LRP1B: variants seen among roughly 807,000 people sequenced by gnomAD.
LRP1B encodes the protein low-density lipoprotein receptor-related protein 1B.
Under a neutral mutation model 556.6 loss-of-function variants are expected in LRP1B, and 217 were observed. That is an observed-to-expected ratio of 0.39 (90% CI 0.35 to 0.44). The LOEUF (loss-of-function observed/expected upper bound fraction) is 0.44, where lower values mean the gene tolerates loss of function less well. Among genes scored for constraint, LRP1B ranks in the 20% least tolerant of loss-of-function variants. LRP1B has a pLI of 1.00. For missense variants in LRP1B, 5,053 were observed against 5,620.8 expected, an observed-to-expected ratio of 0.90 and a Z score of 3.23; for synonymous variants, 2,047 against 1,865.8, an observed-to-expected ratio of 1.10 and a Z score of -2.50.
intron 2 of LRP1B, among the ~76,000 whole-genome samples, chr2:141,525,884 T>C (rs1574045912): frequency 2.6e-5 from 4 of 152,128 alleles, no homozygotes; most frequent in Admixed American, 2.6e-4. Flanking sequence ...ACAAAAAATA[T>C]CGTTTATTTG....
chr2:140,316,291 C>G (rs1684516274), intron 82 of LRP1B, among the ~76,000 whole-genome samples: 6 of 152,082 alleles, frequency 3.9e-5, no homozygotes, highest in Admixed American at 3.3e-4. Context: ...AATTTATGAT[C>G]CTTTTTCAAG....
chr2:141,645,136 AG>A (rs942939592), intron 2 of LRP1B, among the ~76,000 whole-genome samples: 1 of 152,158 alleles, frequency 6.6e-6, no homozygotes, highest in African/African-American at 2.4e-5. Context: ...TAAGTTATAA[AG>A]AAAGTGAGGT....
chr2:141,826,750 T>C (rs993809311), intron 1 of LRP1B, among the ~76,000 whole-genome samples: 1 of 152,232 alleles, frequency 6.6e-6, no homozygotes, highest in Non-Finnish European at 1.5e-5. Context: ...TAAAAATAAA[T>C]TACTAATTGA....
chr2:141,925,949 GA>G (rs1700324472), intron 1 of LRP1B, among the ~76,000 whole-genome samples: 1 of 152,066 alleles, frequency 6.6e-6, no homozygotes, highest in Non-Finnish European at 1.5e-5. Flanking sequence ...GGACAGTTGT[GA>G]AGATTTATGA....
chr2:141,749,139 G>A (rs1694017171), intron 2 of LRP1B, among the ~76,000 whole-genome samples: 1 of 152,036 alleles, frequency 6.6e-6, no homozygotes, highest in Admixed American at 6.6e-5. Flanking sequence ...AAATATTCCA[G>A]AGAAAGAATT....
intron 2 of LRP1B, among the ~76,000 whole-genome samples, chr2:141,797,161 A>ATATAAC (rs1695844934): frequency 1.2e-5 from 1 of 84,376 alleles, no homozygotes. Flanking sequence ...ATATATATAT[A>ATATAAC]TATATATATA....
At chr2:141,642,930 T>C (rs1689398134) in intron 2 of LRP1B, among the ~76,000 whole-genome samples, 1 of 152,110 alleles carries the variant, frequency 6.6e-6, no homozygotes, top group Non-Finnish European at 1.5e-5. Flanking sequence ...GTGAAAGCAC[T>C]GGTTGCCAAT....
At chr2:140,526,188 GCCAAAAGTGC>G (rs1433367507) in intron 48 of LRP1B, 39 bp downstream of exon 48, 1 of 1,553,296 alleles carries the variant, frequency 6.4e-7, no homozygotes, top group Non-Finnish European at 8.9e-7. Flanking sequence ...TCAATGCAAT[GCCAAAAGTGC>G]CCAAGCATAA....
chr2:140,706,335 T>C (rs940880299), intron 37 of LRP1B, among the ~76,000 whole-genome samples: 9 of 152,174 alleles, frequency 5.9e-5, no homozygotes, highest in African/African-American at 1.4e-4. Flanking sequence ...TGGGCACATG[T>C]AGCCCTACTA....
chr2:141,831,052 A>G (rs1401037986), intron 1 of LRP1B, among the ~76,000 whole-genome samples: 1 of 151,756 alleles, frequency 6.6e-6, no homozygotes, highest in Non-Finnish European at 1.5e-5. Context: ...AAAATTTACT[A>G]GATTAGCTTT....
intron 1 of LRP1B, among the ~76,000 whole-genome samples, chr2:141,967,779 T>C (rs1204965408): frequency 2.6e-5 from 4 of 151,850 alleles, no homozygotes; most frequent in Non-Finnish European, 5.9e-5. Flanking sequence ...CATGAACTGA[T>C]TTGCTATGTA....
intron 66 of LRP1B, among the ~76,000 whole-genome samples, chr2:140,433,182 A>G (rs1458563772): frequency 6.6e-6 from 1 of 152,096 alleles, no homozygotes; most frequent in Non-Finnish European, 1.5e-5. Context: ...CACTGCAACC[A>G]CCGCCTCCTG....
At chr2:142,009,952 T>C (rs962222159) in intron 1 of LRP1B, among the ~76,000 whole-genome samples, 3 of 152,104 alleles carry the variant, frequency 2.0e-5, no homozygotes, top group Admixed American at 6.5e-5. Context: ...GTATATACTG[T>C]TGTATAGAGA....
At chr2:141,577,930 T>C (rs1184441784) in intron 2 of LRP1B, among the ~76,000 whole-genome samples, 1 of 152,162 alleles carries the variant, frequency 6.6e-6, no homozygotes, top group African/African-American at 2.4e-5. Context: ...GCCTTAGACA[T>C]AATGATTTCC....
chr2:142,069,034 C>G (rs915756478), intron 1 of LRP1B, among the ~76,000 whole-genome samples: 1 of 151,368 alleles, frequency 6.6e-6, no homozygotes, highest in African/African-American at 2.4e-5. Flanking sequence ...CTCTCTCTGT[C>G]TCTCCTTCCC....
chr2:141,219,053 ATT>A (rs1429454549), intron 6 of LRP1B, among the ~76,000 whole-genome samples: 2 of 152,142 alleles, frequency 1.3e-5, no homozygotes, highest in Non-Finnish European at 2.9e-5. Context: ...GGGAAACCGC[ATT>A]CTTTCTTCAG....
At chr2:142,082,501 T>A (rs895663623) in intron 1 of LRP1B, among the ~76,000 whole-genome samples, 1 of 152,196 alleles carries the variant, frequency 6.6e-6, no homozygotes, top group Non-Finnish European at 1.5e-5. Context: ...AAGATGACAG[T>A]GAGCAGCCAC....
At position 140,231,701 on chromosome 2, in the gene LRP1B, C is replaced by T. The variant is rs1249996984; in HGVS notation, c.*1485G>A. ...GGTAGTATGCATGCACATAGTACAA[C>T]AAAAAGTCTTCTTATAAAACAGCAG... On this transcript the variant is annotated 3_prime_UTR_variant, in exon 91 of 91. Transcript: ENST00000389484. The T allele has an allele frequency of 6.6e-6, 1 of 151,386 alleles. No homozygotes were observed. Among genetic ancestry groups the T allele is most frequent in the Non-Finnish European group, 1.5e-5 (1 of 67,468 alleles). 9.4% of individuals were successfully genotyped at this position (151,386 alleles called of 1,614,324 possible).
At chr2:140,306,954 G>T (rs143698086) in intron 83 of LRP1B, among the ~76,000 whole-genome samples, 1 of 151,746 alleles carries the variant, frequency 6.6e-6, no homozygotes, top group East Asian at 1.9e-4. Context: ...TATTATTAAG[G>T]TCTATATTTT....
Sources: gnomAD v4.1 joint callset for allele counts (sites outside exome capture counted in the v4.1 genomes callset) on GRCh38, gnomAD v4.1.1 for gene constraint, MANE v1.5 for transcripts, NCBI Gene and HGNC (gene_info 2026-07-23, HGNC 2026-07-21) for gene names.